The following ZFYVE26 variants were observed in gnomAD, a reference collection of about 807,000 sequenced individuals.
ZFYVE26 encodes zinc finger FYVE-type containing 26.
In ZFYVE26, 181 loss-of-function variants were observed where a neutral mutation model predicts 276.5. The observed-to-expected ratio is 0.65, with a 90% CI of 0.58 to 0.74. The LOEUF (loss-of-function observed/expected upper bound fraction) is 0.74. Ranked by LOEUF, ZFYVE26 falls within the 30% of genes least tolerant of loss-of-function variation. ZFYVE26 has a pLI of 0.00. For synonymous variants in ZFYVE26, 1,129 were observed against 1,203.1 expected, an observed-to-expected ratio of 0.94 and a Z score of 1.27; for missense variants, 2,821 against 3,097.9, an observed-to-expected ratio of 0.91 and a Z score of 2.12.
rs2039053745 is a variant in ZFYVE26, at chr14:67,766,222, T to G, written c.6011+5A>C. The G allele has an allele frequency of 6.2e-7, 1 of 1,613,956 alleles. No homozygotes were observed. Among genetic ancestry groups the G allele is most frequent in the Non-Finnish European group, 8.5e-7 (1 of 1,179,968 alleles). On this transcript the variant is annotated splice_donor_5th_base_variant and intron_variant, in intron 32 of 41. Transcript: ENST00000347230. ...GTAAAAGAATAGAGACCCACTGCCC[T>G]CTACCTGTCACAAAGAGCCAAGTCT... is the stretch of plus-strand genomic sequence containing the variant.
intron 23 of ZFYVE26, among the ~76,000 whole-genome samples, chr14:67,778,506 C>T (rs889195633): frequency 1.3e-5 from 2 of 152,230 alleles, no homozygotes; most frequent in Non-Finnish European, 2.9e-5. Context: ...ACTGAAAAGA[C>T]TGTTTAAAGG....
chr14:67,761,274 T>C (rs1291480914), intron 35 of ZFYVE26, 92 bp downstream of exon 35: 12 of 1,175,056 alleles, frequency 1.0e-5, no homozygotes, highest in African/African-American at 1.5e-5. Flanking sequence ...CAGGGTTAAG[T>C]GTCAGGGGGT....
rs1176280113 is a variant in ZFYVE26, at chr14:67,785,114, G to C, written c.3468C>G (p.Phe1156Leu). ...CTGCAGCAAGGGTGCTGCAGTAACTGAAGAAGGTGCCCAAGTAGTCCATCT... is the reference window on the plus strand; with the variant it reads ...CTGCAGCAAGGGTGCTGCAGTAACTCAAGAAGGTGCCCAAGTAGTCCATCT... ...SRQMDYLGTF[F>L]SYCSTLAAVL... Residue 1156 changes from phenylalanine (F) to leucine (L), a missense_variant, in exon 19 of 42, where the codon TTC becomes TTG. Physicochemically the swap from Phe to Leu is conservative, Grantham distance 22. Coordinates refer to ENST00000347230, the MANE Select transcript of ZFYVE26 (RefSeq NM_015346.4). The C allele has an allele frequency of 6.2e-7, 1 of 1,614,214 alleles. No homozygotes were observed.
Position 67,798,153 on chromosome 14 carries a change from G to A in ZFYVE26, c.2109C>T (p.Ser703=). 1 of 1,614,096 alleles carries A rather than the reference G, an allele frequency of 6.2e-7. No homozygotes were observed. The highest frequency in any genetic ancestry group is 8.5e-7 in the Non-Finnish European group (1 of 1,179,966). Residue 703 remains serine, a synonymous_variant, in exon 11 of 42, where the codon AGC becomes AGT. Coordinates refer to ENST00000347230, the MANE Select transcript of ZFYVE26 (RefSeq NM_015346.4). ...QEQLDEISSR[S]PPEKPKQESQ... ...TTTCTTGCTTTGGCTTCTCAGGAGG[G>A]CTGCGGCTACTGATCTCATCCAGTT...
intron 4 of ZFYVE26, 113 bp downstream of exon 4, chr14:67,809,087 T>C: frequency 1.1e-6 from 1 of 946,818 alleles, no homozygotes. Context: ...TTGCCTTGCC[T>C]GAGAACAAAG....
intron 39 of ZFYVE26, 29 bp from the exon 40 acceptor site, chr14:67,752,555 A>G: frequency 1.2e-6 from 2 of 1,613,542 alleles, no homozygotes; most frequent in Non-Finnish European, 1.7e-6. Flanking sequence ...TGATGGGCTT[A>G]GGAGCAGGAA....
downstream of ZFYVE26, among the ~76,000 whole-genome samples, chr14:67,742,558 A>G (rs1267926208): frequency 6.6e-6 from 1 of 152,188 alleles, no homozygotes; most frequent in African/African-American, 2.4e-5. Context: ...TAGAAGGTGC[A>G]ACTCTAGGAT....
intron 12 of ZFYVE26, chr14:67,797,136 T>A (rs2039970419): frequency 6.3e-6 from 1 of 159,356 alleles, no homozygotes; most frequent in South Asian, 1.7e-4. Flanking sequence ...TCTACCTTAT[T>A]TTTAAGGCAA....
intron 41 of ZFYVE26, chr14:67,750,845 A>G (rs2038618022): frequency 1.5e-6 from 1 of 660,454 alleles, no homozygotes; most frequent in Non-Finnish European, 2.7e-6. Context: ...TGGGAAGGCA[A>G]AGACGCATGC....
chr14:67,774,780 G>A (rs2039297095), intron 27 of ZFYVE26, among the ~76,000 whole-genome samples: 2 of 152,120 alleles, frequency 1.3e-5, no homozygotes, highest in South Asian at 4.1e-4. Context: ...CAAGAGTTCT[G>A]GATTTGCTGG....
exon 14 of ZFYVE26, chr14:67,729,677 T>C (rs1790276670): frequency 1.7e-6 from 1 of 581,096 alleles, no homozygotes; most frequent in Admixed American, 2.3e-5. Flanking sequence ...GCCATGGAGA[T>C]CTGGATCGTT....
chr14:67,745,459 C>A (rs1179553755), downstream of ZFYVE26, among the ~76,000 whole-genome samples: 1 of 151,838 alleles, frequency 6.6e-6, no homozygotes, highest in Admixed American at 6.6e-5. Context: ...GAAATGATCC[C>A]TCAAAGTATA....
chr14:67,729,248 G>C, exon 14 of ZFYVE26: 3 of 1,609,998 alleles, frequency 1.9e-6, no homozygotes, highest in Non-Finnish European at 2.5e-6. Context: ...GAGCTGGTCC[G>C]GCACTCCTCC....
chr14:67,766,358 C>A lies in ZFYVE26; in HGVS notation c.5880G>T (p.Arg1960Ser), dbSNP rs751183425. 3.1e-6 allele frequency: 5 copies of A among 1,613,158 alleles called. No individual in the cohort carries two copies. Among genetic ancestry groups the A allele is most frequent in the Non-Finnish European group, 4.2e-6 (5 of 1,180,026 alleles). Residue 1960 changes from arginine (R) to serine (S), a missense_variant, in exon 32 of 42, where the codon AGG (arginine) becomes AGT (serine). Transcript: ENST00000347230. ...CGHQLIEHCC[R>S]LSKGLTNPEV... ...CTGGGTTGGTGAGGCCCTTGGAGAG[C>A]CTGCAGCAGTGCTCAATCAGCTGGT...
chr14:67,809,527 A>G lies in ZFYVE26; in HGVS notation c.274-238T>C, dbSNP rs1266826427. Among the ~76,000 whole-genome samples, 5 of 149,120 alleles carry G rather than the reference A, an allele frequency of 3.4e-5. No homozygotes were observed. The Admixed American group carries it at 3.4e-4, about 10-fold the overall frequency. On this transcript the variant is annotated intron_variant, in intron 3 of 41. Transcript: ENST00000347230. Reference sequence around the variant, plus strand: ...AACCTCCACCTCCCAGCTTCAAGCGATTCTCAGGCCTCAGCCTCCCGAGTA... The same window carrying G: ...AACCTCCACCTCCCAGCTTCAAGCGGTTCTCAGGCCTCAGCCTCCCGAGTA...
intron 13 of ZFYVE26, chr14:67,735,228 G>C: frequency 6.9e-7 from 1 of 1,447,532 alleles, no homozygotes. Context: ...TGGTGTTCAG[G>C]TGCTCCCACG....
At chr14:67,791,088 C>T (rs1392114116) in intron 14 of ZFYVE26, among the ~76,000 whole-genome samples, 3 of 152,084 alleles carry the variant, frequency 2.0e-5, no homozygotes, top group Non-Finnish European at 4.4e-5. Flanking sequence ...GTAACAATAA[C>T]ATTTTGCATC....
At chr14:67,802,876 A>G (rs2040106551) in intron 9 of ZFYVE26, among the ~76,000 whole-genome samples, 1 of 152,176 alleles carries the variant, frequency 6.6e-6, no homozygotes, top group African/African-American at 2.4e-5. Flanking sequence ...GGAAACCTCA[A>G]ATGCCATGTA....
At position 67,792,928 on chromosome 14, in the gene ZFYVE26, A is replaced by AAAG. The variant is rs1378382978; in HGVS notation, c.2553+679_2553+680insCTT. Among the ~76,000 whole-genome samples the AAAG allele has an allele frequency of 2.7e-5, 4 of 150,380 alleles. No homozygotes were observed. The East Asian group carries it at 5.9e-4, about 22-fold the overall frequency. On this transcript the variant is annotated intron_variant, in intron 14 of 41. Coordinates refer to ENST00000347230, the MANE Select transcript of ZFYVE26 (RefSeq NM_015346.4). ...AAATCTGTCTCAAAAAAAAAAAAAA[A>AAAG]AAAAAAGAAAAGGAAATTGTATTAT...
Sources: gnomAD v4.1 joint callset for allele counts (sites outside exome capture counted in the v4.1 genomes callset) on GRCh38, gnomAD v4.1.1 for gene constraint, MANE v1.5 for transcripts, NCBI Gene and HGNC (gene_info 2026-07-23, HGNC 2026-07-21) for gene names.